Variants in PRPSAP1 observed in about 807,000 individuals in gnomAD.
PRPSAP1 encodes phosphoribosyl pyrophosphate synthetase associated protein 1.
In PRPSAP1, 31 loss-of-function variants were observed where a neutral mutation model predicts 39.4. That is an observed-to-expected ratio of 0.79 (90% confidence interval 0.59 to 1.06). The LOEUF is 1.06. PRPSAP1 is among the 50% of genes least tolerant of loss of function. The pLI, the probability that PRPSAP1 is intolerant of heterozygous loss-of-function variation, is 0.00. For synonymous variants in PRPSAP1, 212 were observed against 192.6 expected, an observed-to-expected ratio of 1.10 and a Z score of -0.83; for missense variants, 430 against 511.6, an observed-to-expected ratio of 0.84 and a Z score of 1.54.
At position 76,312,970 on chromosome 17, in the gene PRPSAP1, A is replaced by G. The variant is rs778185000; in HGVS notation, c.899T>C (p.Ile300Thr). 6.2e-7 allele frequency: 1 copy of G among 1,613,994 alleles called. No homozygotes were observed. The highest frequency in any genetic ancestry group is 1.1e-5 in the South Asian group (1 of 91,060). Residue 300 changes from isoleucine (I) to threonine (T), a missense_variant, in exon 9 of 10, where the codon ATC becomes ACC. Ile to Thr is a moderately conservative substitution (Grantham distance 89, BLOSUM62 -1). Transcript: ENST00000446526. ...DVESFVAAAE[I>T]LKERGAYKIY... ...CTTATAGGCGCCTCTCTCTTTCAGG[A>G]TCTCCGCGGCAGCAACAAAACTCTC...
At chr17:76,347,779 A>T (rs916486222) in intron 2 of PRPSAP1, among the ~76,000 whole-genome samples, 1 of 152,102 alleles carries the variant, frequency 6.6e-6, no homozygotes, top group Non-Finnish European at 1.5e-5. Flanking sequence ...GAAGGTGTCT[A>T]GCAAGCAGCA....
intron 3 of PRPSAP1, among the ~76,000 whole-genome samples, chr17:76,333,966 G>A (rs2143509025): frequency 6.6e-6 from 1 of 152,220 alleles, no homozygotes; most frequent in African/African-American, 2.4e-5. Context: ...TTAGCTCACT[G>A]CAGCCTCGAA....
At chr17:76,350,210 CG>C (rs201423347) in intron 1 of PRPSAP1, among the ~76,000 whole-genome samples, 15,464 of 151,498 alleles carry the variant, frequency 0.1, 875 homozygotes, top group African/African-American at 0.16. Context: ...GAGGCCGAGG[CG>C]GGCGGATCAC....
At chr17:76,343,766 T>C (rs943297763) in intron 3 of PRPSAP1, among the ~76,000 whole-genome samples, 1 of 151,644 alleles carries the variant, frequency 6.6e-6, no homozygotes, top group African/African-American at 2.4e-5. Flanking sequence ...ACCCAGGAGG[T>C]AGAGGCTGCA....
intron 7 of PRPSAP1, among the ~76,000 whole-genome samples, chr17:76,325,980 T>G (rs904987815): frequency 6.6e-6 from 1 of 152,162 alleles, no homozygotes; most frequent in Admixed American, 6.5e-5. Context: ...ACAATGATAT[T>G]GAGCATTTAA....
At chr17:76,344,481 G>A (rs2071474341) in intron 3 of PRPSAP1, among the ~76,000 whole-genome samples, 190 bp downstream of exon 3, 1 of 152,076 alleles carries the variant, frequency 6.6e-6, no homozygotes, top group Non-Finnish European at 1.5e-5. Context: ...TGGTCAGGCT[G>A]GTCTCGAACT....
chr17:76,344,534 G>C, intron 3 of PRPSAP1, 137 bp downstream of exon 3: 1 of 742,058 alleles, frequency 1.3e-6, no homozygotes, highest in South Asian at 1.8e-5. Context: ...CAAAGTGTTG[G>C]CATAACAGGC....
At chr17:76,323,027 C>T (rs1342260431) in intron 7 of PRPSAP1, among the ~76,000 whole-genome samples, 1 of 151,048 alleles carries the variant, frequency 6.6e-6, no homozygotes, top group African/African-American at 2.4e-5. Flanking sequence ...ACAGAGACCC[C>T]GCCTCTAAAA....
At chr17:76,336,697 A>C (rs1276012449) in intron 3 of PRPSAP1, among the ~76,000 whole-genome samples, 1 of 133,016 alleles carries the variant, frequency 7.5e-6, no homozygotes, top group Non-Finnish European at 1.5e-5. Context: ...ATGCCATTGC[A>C]CTCCAGCCTG....
At chr17:76,331,905 AC>A (rs1044786047) in intron 4 of PRPSAP1, among the ~76,000 whole-genome samples, 2 of 152,172 alleles carry the variant, frequency 1.3e-5, no homozygotes, top group African/African-American at 4.8e-5. Flanking sequence ...AATACTATGA[AC>A]AAAAATGGAA....
intron 7 of PRPSAP1, among the ~76,000 whole-genome samples, chr17:76,322,119 G>A (rs917780356): frequency 3.3e-5 from 5 of 152,082 alleles, no homozygotes; most frequent in African/African-American, 9.7e-5. Context: ...ACAACAGGCC[G>A]GGCGCAGTAG....
chr17:76,313,289 G>A (rs1054173502), intron 8 of PRPSAP1: 5 of 334,902 alleles, frequency 1.5e-5, no homozygotes, highest in African/African-American at 8.5e-5. Flanking sequence ...CCTGTCTCAC[G>A]TTTCTGGTGA....
At chr17:76,339,411 A>C (rs1015381583) in intron 3 of PRPSAP1, among the ~76,000 whole-genome samples, 1 of 151,842 alleles carries the variant, frequency 6.6e-6, no homozygotes. Flanking sequence ...TCTCAAAAAA[A>C]CAACAAAAAG....
chr17:76,328,391 A>G (rs564262203), intron 7 of PRPSAP1, among the ~76,000 whole-genome samples: 1 of 152,098 alleles, frequency 6.6e-6, no homozygotes, highest in East Asian at 1.9e-4. Context: ...GGAGCAGATC[A>G]CGAGGTCTGG....
intron 7 of PRPSAP1, among the ~76,000 whole-genome samples, chr17:76,317,829 ATCTTT>A (rs1375244806): frequency 6.6e-6 from 1 of 152,122 alleles, no homozygotes; most frequent in Admixed American, 6.5e-5. Flanking sequence ...CCAACATATA[ATCTTT>A]TCAAGTTTGT....
Position 76,311,673 on chromosome 17 carries a change from C to T in PRPSAP1, c.1027G>A (p.Glu343Lys). 6.2e-7 allele frequency: 1 copy of T among 1,614,040 alleles called. No homozygotes were observed. Among genetic ancestry groups the T allele is most frequent in the Non-Finnish European group, 8.5e-7 (1 of 1,179,978 alleles). Residue 343 changes from glutamate (E) to lysine (K), a missense_variant, in exon 10 of 10, where the codon GAG becomes AAG. Glu to Lys is a moderately conservative substitution (Grantham distance 56). This residue lies in a region of PRPSAP1 where 278 missense variants were observed against 376.3 expected (regional missense o/e 0.74). Coordinates refer to ENST00000446526, the MANE Select transcript of PRPSAP1 (RefSeq NM_002766.3). Reference sequence around the variant, plus strand: ...TTGGGACATTGCAGCTTCTGAACCTCATGAGGGACAGTATTCGTCACCACC... The same window carrying T: ...TTGGGACATTGCAGCTTCTGAACCTTATGAGGGACAGTATTCGTCACCACC... ...EVVVTNTVPH[E>K]VQKLQCPKIK...
intron 7 of PRPSAP1, chr17:76,319,286 C>T (rs770631185): frequency 6.6e-6 from 1 of 152,006 alleles, no homozygotes; most frequent in African/African-American, 2.4e-5. Context: ...TACAAAAGGA[C>T]ATTAAATCAA....
At chr17:76,344,471 T>C (rs1436026217) in intron 3 of PRPSAP1, among the ~76,000 whole-genome samples, 200 bp downstream of exon 3, 1 of 146,380 alleles carries the variant, frequency 6.8e-6, no homozygotes, top group Non-Finnish European at 1.5e-5. Flanking sequence ...TTCAACATAT[T>C]GGTCAGGCTG....
At chr17:76,312,832 G>T in intron 9 of PRPSAP1, 38 bp downstream of exon 9, 3 of 1,585,596 alleles carry the variant, frequency 1.9e-6, no homozygotes, top group Non-Finnish European at 2.6e-6. Flanking sequence ...AGAAAACACA[G>T]CAGTAAATCT....
Sources: gnomAD v4.1 joint callset for allele counts (sites outside exome capture counted in the v4.1 genomes callset) on GRCh38, gnomAD v4.1.1 for gene constraint, gnomAD v4.1.1 regional missense constraint, MANE v1.5 for transcripts, NCBI Gene and HGNC (gene_info 2026-07-23, HGNC 2026-07-21) for gene names.